The following STXBP4 variants were observed in gnomAD, a reference collection of about 807,000 sequenced individuals.
The protein encoded by STXBP4 is syntaxin-binding protein 4.
A neutral mutation model predicts 76.1 loss-of-function variants in STXBP4; 55 were observed. The observed-to-expected ratio is 0.72, with a 90% CI of 0.58 to 0.91. The LOEUF (loss-of-function observed/expected upper bound fraction) is 0.91. Ranked by LOEUF, STXBP4 falls within the 40% of genes least tolerant of loss-of-function variation. The pLI, the probability that STXBP4 is intolerant of heterozygous loss-of-function variation, is 0.00. For missense variants in STXBP4, 618 were observed against 636.9 expected (o/e 0.97, Z 0.32); for synonymous variants, 201 against 220.2 (o/e 0.91, Z 0.77).
At chr17:55,122,996 G>A (rs568511585) in intron 16 of STXBP4, among the ~76,000 whole-genome samples, 32 of 152,104 alleles carry the variant, frequency 2.1e-4, no homozygotes, top group African/African-American at 6.7e-4. Flanking sequence ...TTCCTCCTTT[G>A]TTTTATTCAC....
intron 8 of STXBP4, among the ~76,000 whole-genome samples, chr17:55,013,190 G>A (rs1452263667): frequency 6.6e-6 from 1 of 152,222 alleles, no homozygotes; most frequent in Admixed American, 6.5e-5. Context: ...ACTCAGGTAT[G>A]CCATGGGTTG....
intron 4 of STXBP4, among the ~76,000 whole-genome samples, chr17:54,996,242 G>T (rs977645024): frequency 6.7e-6 from 1 of 149,366 alleles, no homozygotes; most frequent in Admixed American, 6.8e-5. Context: ...CAGGGTGGAT[G>T]GTGGCATTCT....
chr17:55,178,767 T>C, the STXBP4 span, among the ~76,000 whole-genome samples: 3 of 152,300 alleles, frequency 2.0e-5, no homozygotes, highest in South Asian at 6.2e-4. Context: ...CCAGTTCAAG[T>C]GCAGGAGAAG....
intron 1 of STXBP4, among the ~76,000 whole-genome samples, chr17:54,980,818 C>T (rs957484891): frequency 2.6e-5 from 4 of 152,334 alleles, no homozygotes; most frequent in Admixed American, 1.3e-4. Context: ...AACTTTAAAA[C>T]ACAGTAGAAA....
At chr17:55,198,126 A>T in the STXBP4 span, among the ~76,000 whole-genome samples, 1 of 152,220 alleles carries the variant, frequency 6.6e-6, no homozygotes, top group African/African-American at 2.4e-5. Flanking sequence ...ATGCAAATGA[A>T]GTGGTGGCCC....
At chr17:55,082,519 T>C (rs1279261463) in intron 16 of STXBP4, among the ~76,000 whole-genome samples, 3 of 152,158 alleles carry the variant, frequency 2.0e-5, no homozygotes, top group Non-Finnish European at 4.4e-5. Context: ...TAGTAGGACA[T>C]TTAAACATTA....
chr17:55,108,694 G>C (rs552379173), intron 16 of STXBP4, among the ~76,000 whole-genome samples: 118 of 152,282 alleles, frequency 7.7e-4, no homozygotes, highest in Non-Finnish European at 1.3e-3. Flanking sequence ...TCCTGGGTAA[G>C]GCGACCACCC....
the STXBP4 span, among the ~76,000 whole-genome samples, chr17:55,212,880 G>A: frequency 1.3e-5 from 2 of 152,156 alleles, no homozygotes; most frequent in African/African-American, 2.4e-5. Context: ...AGCAGTGTGC[G>A]TGCTTCATCT....
intron 16 of STXBP4, among the ~76,000 whole-genome samples, chr17:55,126,826 G>C (rs1746894756): frequency 6.6e-6 from 1 of 152,160 alleles, no homozygotes; most frequent in African/African-American, 2.4e-5. Context: ...ACGAAAAGAA[G>C]TCTATAGCAT....
intron 16 of STXBP4, 30 bp from the exon 17 acceptor site, chr17:55,141,280 A>T: frequency 6.4e-7 from 1 of 1,567,472 alleles, no homozygotes; most frequent in Non-Finnish European, 8.8e-7. Context: ...TCATCTTATT[A>T]AATATATTTT....
At position 55,165,561 on chromosome 17, in the gene STXBP4, ACATGTTCTCT is replaced by A. The variant is rs2080373767; in HGVS notation, c.*5653_*5662del. On this transcript the variant is annotated 3_prime_UTR_variant, in exon 18 of 18. Transcript: ENST00000376352. ...AATGAGGATCTTTTCCATTCAATCC[ACATGTTCTCT>A]CAATGGAAATCAATTCGGACAATAA... 6.6e-6 allele frequency: 1 copy of A among 152,254 alleles called. No individual in the cohort carries two copies. The highest frequency in any genetic ancestry group is 2.4e-5 in the African/African-American group (1 of 41,464). 9.4% of individuals were successfully genotyped at this position (152,254 alleles called of 1,614,324 possible). A position where few individuals can be genotyped will look rare whatever the true frequency, so the allele number is the denominator to read the frequency against.
At chr17:55,083,416 G>A (rs556564755) in intron 16 of STXBP4, among the ~76,000 whole-genome samples, 52 of 152,018 alleles carry the variant, frequency 3.4e-4, no homozygotes, top group Non-Finnish European at 5.9e-4. Flanking sequence ...AAACATACTC[G>A]GGAATAAGTT....
intron 8 of STXBP4, among the ~76,000 whole-genome samples, chr17:55,017,005 A>G (rs535171529): frequency 5.3e-5 from 8 of 152,180 alleles, no homozygotes; most frequent in Non-Finnish European, 1.0e-4. Context: ...TAGGAAGGCT[A>G]AGGGTTGTCA....
chr17:55,199,311 A>G, the STXBP4 span, among the ~76,000 whole-genome samples: 1 of 152,146 alleles, frequency 6.6e-6, no homozygotes, highest in Non-Finnish European at 1.5e-5. Context: ...TGAAAACAGT[A>G]CTCTGTGAAT....
chr17:55,107,191 T>G (rs2079645857), intron 16 of STXBP4, among the ~76,000 whole-genome samples: 1 of 152,204 alleles, frequency 6.6e-6, no homozygotes, highest in Non-Finnish European at 1.5e-5. Flanking sequence ...AAGTTGATCT[T>G]CAATCTCTGA....
At chr17:55,130,220 G>T (rs1002699591) in intron 16 of STXBP4, among the ~76,000 whole-genome samples, 2 of 152,174 alleles carry the variant, frequency 1.3e-5, no homozygotes, top group Non-Finnish European at 2.9e-5. Flanking sequence ...CTGACACCTT[G>T]ATTTCCGTCA....
chr17:54,999,588 T>C (rs1198803884), intron 5 of STXBP4, 44 bp from the exon 6 acceptor site: 1 of 1,548,094 alleles, frequency 6.5e-7, no homozygotes, highest in Non-Finnish European at 8.8e-7. Context: ...TCAGTTGTAC[T>C]ATATTCATAG....
chr17:55,095,736 A>C lies in STXBP4; in HGVS notation c.1489+14553A>C, dbSNP rs925629001. ...TATGTCCTCACAGCAACCCTGTGAG[A>C]GAGACATTATTCTTTTTAATTTAAA... is the stretch of plus-strand genomic sequence containing the variant. On this transcript the variant is annotated intron_variant, in intron 16 of 17. Transcript: ENST00000376352. Among the ~76,000 whole-genome samples, 33 of 152,160 alleles carry C rather than the reference A, an allele frequency of 2.2e-4. 1 individual carries two copies. The highest frequency in any genetic ancestry group is 7.7e-4 in the African/African-American group (32 of 41,432).
chr17:55,074,239 A>G (rs2079154920), intron 13 of STXBP4, among the ~76,000 whole-genome samples: 1 of 152,188 alleles, frequency 6.6e-6, no homozygotes, highest in Non-Finnish European at 1.5e-5. Context: ...GCAAAATACC[A>G]AAGAAAATTT....
Sources: allele counts gnomAD v4.1 joint callset (sites outside exome capture counted in the v4.1 genomes callset), GRCh38; gene constraint gnomAD v4.1.1; transcripts MANE v1.5; gene names NCBI Gene and HGNC (gene_info 2026-07-23, HGNC 2026-07-21).